Variants in SLC8A1 observed in about 807,000 individuals in gnomAD.
SLC8A1 encodes the protein solute carrier family 8 member A1, also known as sodium/calcium exchanger 1.
SLC8A1 carries 18 observed loss-of-function variants against 68.3 expected under a neutral mutation model. That is an observed-to-expected ratio of 0.26 (90% CI 0.18 to 0.39). SLC8A1 has a LOEUF of 0.39. Ranked by LOEUF, SLC8A1 falls within the 10% of genes least tolerant of loss-of-function variation. The probability of loss-of-function intolerance (pLI) is 1.00; values close to 1 mark genes in which losing one functional copy is unlikely to be tolerated. For synonymous variants in SLC8A1, 475 were observed against 415.5 expected, an observed-to-expected ratio of 1.14 and a Z score of -1.74; for missense variants, 985 against 1,156.7, an observed-to-expected ratio of 0.85 and a Z score of 2.15.
chr2:40,119,562 C>A (rs527759770), intron 7 of SLC8A1, among the ~76,000 whole-genome samples: 10 of 152,286 alleles, frequency 6.6e-5, no homozygotes, highest in Admixed American at 4.6e-4. Flanking sequence ...TTAAACCAGG[C>A]AAATGCCATA....
At chr2:40,366,594 C>G (rs1184030144) in intron 2 of SLC8A1, among the ~76,000 whole-genome samples, 2 of 151,970 alleles carry the variant, frequency 1.3e-5, no homozygotes, top group Admixed American at 1.3e-4. Flanking sequence ...ATAGAGGAGG[C>G]AACAGGCTTA....
intron 2 of SLC8A1, among the ~76,000 whole-genome samples, chr2:40,345,167 G>A (rs1320993979): frequency 6.6e-6 from 1 of 152,014 alleles, no homozygotes; most frequent in Non-Finnish European, 1.5e-5. Context: ...CTTATGATAG[G>A]AGTGAAGGGT....
chr2:40,309,740 A>AAG (rs1359037253), intron 2 of SLC8A1, among the ~76,000 whole-genome samples: 26 of 152,164 alleles, frequency 1.7e-4, no homozygotes, highest in Non-Finnish European at 3.7e-4. Context: ...TCCTGACCTC[A>AAG]TGATCCGCCC....
chr2:40,335,015 A>G (rs1482225363), intron 2 of SLC8A1, among the ~76,000 whole-genome samples: 2 of 152,178 alleles, frequency 1.3e-5, no homozygotes, highest in East Asian at 3.9e-4. Context: ...AACTCTACTG[A>G]TATCAACTCA....
intron 2 of SLC8A1, among the ~76,000 whole-genome samples, chr2:40,423,601 A>T (rs1696087607): frequency 6.6e-6 from 1 of 152,034 alleles, no homozygotes; most frequent in African/African-American, 2.4e-5. Flanking sequence ...AATGTGGCTG[A>T]ACTATGAAAT....
At chr2:40,348,190 A>C (rs1279330341) in intron 2 of SLC8A1, among the ~76,000 whole-genome samples, 1 of 152,158 alleles carries the variant, frequency 6.6e-6, no homozygotes, top group East Asian at 1.9e-4. Flanking sequence ...ACTGTACATG[A>C]AGAAATCTGA....
chr2:40,388,641 G>C (rs1455919653), intron 2 of SLC8A1, among the ~76,000 whole-genome samples: 1 of 152,048 alleles, frequency 6.6e-6, no homozygotes, highest in Non-Finnish European at 1.5e-5. Flanking sequence ...TGACAATTTT[G>C]TTGGAAATTT....
intron 2 of SLC8A1, among the ~76,000 whole-genome samples, chr2:40,256,814 T>A (rs78069319): frequency 6.6e-6 from 1 of 152,012 alleles, no homozygotes; most frequent in South Asian, 2.1e-4. Flanking sequence ...ATCCACAGGG[T>A]TGGGGATGCT....
At chr2:40,459,459 A>C (rs773274312) in intron 1 of SLC8A1, among the ~76,000 whole-genome samples, 1 of 152,132 alleles carries the variant, frequency 6.6e-6, no homozygotes, top group African/African-American at 2.4e-5. Flanking sequence ...GGACTTTATC[A>C]GGGTCAGCAG....
At chr2:40,194,513 G>GCA (rs1558697264) in intron 2 of SLC8A1, among the ~76,000 whole-genome samples, 2 of 109,140 alleles carry the variant, frequency 1.8e-5, no homozygotes, top group African/African-American at 6.9e-5. Context: ...GTGTGCGCGC[G>GCA]CAAAGAAAAC....
intron 2 of SLC8A1, among the ~76,000 whole-genome samples, chr2:40,329,980 G>A (rs2076248759): frequency 6.6e-6 from 1 of 152,172 alleles, no homozygotes; most frequent in Non-Finnish European, 1.5e-5. Context: ...AGACAGCCAA[G>A]CTATTTAAAG....
At chr2:40,463,497 C>G (rs1276471278) in intron 1 of SLC8A1, among the ~76,000 whole-genome samples, 2 of 152,154 alleles carry the variant, frequency 1.3e-5, no homozygotes, top group Non-Finnish European at 2.9e-5. Flanking sequence ...ACTAAATTTT[C>G]TGCCCTTTTT....
intron 2 of SLC8A1, among the ~76,000 whole-genome samples, chr2:40,276,856 G>A (rs750052130): frequency 1.3e-5 from 2 of 152,108 alleles, no homozygotes; most frequent in African/African-American, 2.4e-5. Flanking sequence ...TGTTGTGGAC[G>A]CTGACAAGGC....
chr2:40,489,885 CA>C (rs1306028422), intron 1 of SLC8A1, among the ~76,000 whole-genome samples: 1 of 152,090 alleles, frequency 6.6e-6, no homozygotes, highest in African/African-American at 2.4e-5. Flanking sequence ...CAAGCCAAAA[CA>C]GTGTCCCCTT....
chr2:40,216,426 C>A (rs1032663919), intron 2 of SLC8A1, among the ~76,000 whole-genome samples: 1 of 152,210 alleles, frequency 6.6e-6, no homozygotes, highest in South Asian at 2.1e-4. Context: ...TGTATTGGCT[C>A]CATGACTGCT....
intron 2 of SLC8A1, among the ~76,000 whole-genome samples, chr2:40,312,182 C>T (rs557126249): frequency 6.6e-6 from 1 of 152,274 alleles, no homozygotes; most frequent in South Asian, 2.1e-4. Flanking sequence ...CCTCAATAAG[C>T]ACACTTGCTG....
intron 2 of SLC8A1, among the ~76,000 whole-genome samples, chr2:40,216,257 T>A (rs1194637102): frequency 2.6e-5 from 4 of 152,118 alleles, no homozygotes; most frequent in Admixed American, 2.0e-4. Flanking sequence ...CATGTGGTGT[T>A]TGGTTTTCTG....
intron 2 of SLC8A1, among the ~76,000 whole-genome samples, chr2:40,214,813 G>T (rs1206770789): frequency 6.6e-6 from 1 of 152,104 alleles, no homozygotes; most frequent in Non-Finnish European, 1.5e-5. Flanking sequence ...ACATTCAGAA[G>T]AATAACATAT....
chr2:40,237,434 G>C (rs540301540), intron 2 of SLC8A1, among the ~76,000 whole-genome samples: 4 of 152,012 alleles, frequency 2.6e-5, no homozygotes, highest in South Asian at 2.1e-4. Context: ...CGTAGTTCTT[G>C]AGCCTTGGTT....
Sources: gnomAD v4.1 joint callset for allele counts (sites outside exome capture counted in the v4.1 genomes callset) on GRCh38, gnomAD v4.1.1 for gene constraint, MANE v1.5 for transcripts, NCBI Gene and HGNC (gene_info 2026-07-23, HGNC 2026-07-21) for gene names.